Variants in ST7 observed in about 807,000 individuals in gnomAD.
ST7 encodes suppressor of tumorigenicity 7 protein.
A neutral mutation model predicts 78.7 loss-of-function variants in ST7; 28 were observed. The observed-to-expected ratio is 0.36, with a 90% CI of 0.26 to 0.49. The LOEUF (loss-of-function observed/expected upper bound fraction) is 0.49. ST7 is among the 20% of genes least tolerant of loss of function. The pLI is 0.99. For synonymous variants in ST7, 247 were observed against 249.6 expected (o/e 0.99, Z 0.10); for missense variants, 418 against 696.0 (o/e 0.60, Z 4.49).
intron 1 of ST7, among the ~76,000 whole-genome samples, chr7:117,093,730 C>A (rs1459520168): frequency 6.6e-6 from 1 of 152,014 alleles, no homozygotes; most frequent in Non-Finnish European, 1.5e-5. Context: ...CAAAAAAAAT[C>A]AAAAGAAAAA....
Position 117,106,616 on chromosome 7 carries a change from C to CTT in ST7, c.234+6793_234+6794dup, listed in dbSNP as rs758855564. Among the ~76,000 whole-genome samples the CTT allele has an allele frequency of 8.9e-3, 960 of 107,674 alleles. 9 individuals carry two copies. The highest frequency in any genetic ancestry group is 0.013 in the Non-Finnish European group (691 of 51,322). 70.6% of individuals were successfully genotyped at this position (107,674 alleles called of 152,430 possible). A position where few individuals can be genotyped will look rare whatever the true frequency, so the allele number is the denominator to read the frequency against. ...AGTCTTCAAAGTTCATTGTATCATTCTTTTTTTTTTTTTTTTTTTTTTGAG... is the reference window on the plus strand; with the variant it reads ...AGTCTTCAAAGTTCATTGTATCATTCTTTTTTTTTTTTTTTTTTTTTTTTGAG... On this transcript the variant is annotated intron_variant, in intron 2 of 15. Coordinates refer to ENST00000323984, the MANE Select transcript of ST7 (RefSeq NM_001369598.1).
intron 1 of ST7, among the ~76,000 whole-genome samples, chr7:116,978,295 G>A (rs369843191): frequency 2.8e-4 from 43 of 152,274 alleles, no homozygotes; most frequent in Admixed American, 1.6e-3. Context: ...GATATCCCCC[G>A]ATTTCCTTTT....
chr7:117,207,657 T>A (rs1052862790), intron 12 of ST7, among the ~76,000 whole-genome samples: 2 of 152,176 alleles, frequency 1.3e-5, no homozygotes, highest in Non-Finnish European at 1.5e-5. Context: ...TTAAGAAGAT[T>A]TCTGTATACC....
At chr7:117,022,687 A>G (rs187099141) in intron 1 of ST7, among the ~76,000 whole-genome samples, 2 of 152,306 alleles carry the variant, frequency 1.3e-5, no homozygotes, top group Non-Finnish European at 2.9e-5. Context: ...TTGTTTAACT[A>G]TCTATTCTGT....
intron 1 of ST7, among the ~76,000 whole-genome samples, chr7:117,005,495 A>G (rs1795119815): frequency 6.6e-6 from 1 of 152,150 alleles, no homozygotes; most frequent in African/African-American, 2.4e-5. Context: ...AAATATTTCC[A>G]ATTTTTACAA....
rs200893936 is a variant in ST7, at chr7:117,219,064, A to G, written c.1406-20A>G. On this transcript the variant is annotated intron_variant, in intron 13 of 15. Transcript: ENST00000323984. This position sits in a 1 kb window ranked among gnomAD's most constrained non-coding sequence, Gnocchi z 5.1. ...GACACAAACATTGGACATCTCTGAC[A>G]TATTTTTTCTCGTTTTCAGCTTTTC... 7.3e-5 allele frequency: 116 copies of G among 1,596,400 alleles called. No individual in the cohort carries two copies. Among genetic ancestry groups the G allele is most frequent in the Non-Finnish European group, 9.5e-5 (111 of 1,170,736 alleles).
intron 9 of ST7, among the ~76,000 whole-genome samples, chr7:117,142,430 T>A (rs1235897226): frequency 6.6e-6 from 1 of 151,966 alleles, no homozygotes; most frequent in Non-Finnish European, 1.5e-5. Context: ...ATCCTAAGCT[T>A]CCACCTACTA....
intron 1 of ST7, chr7:116,973,023 G>A (rs1483710755): frequency 1.5e-6 from 1 of 688,244 alleles, no homozygotes; most frequent in Non-Finnish European, 2.6e-6. Context: ...TTTGTTTATA[G>A]CAGTATGGAT....
At chr7:116,996,032 G>C (rs1794635596) in intron 1 of ST7, among the ~76,000 whole-genome samples, 1 of 150,714 alleles carries the variant, frequency 6.6e-6, no homozygotes, top group Non-Finnish European at 1.5e-5. Context: ...ATAACAAACT[G>C]ATGTGTCTTC....
chr7:116,967,117 T>TC (rs1793156993), intron 1 of ST7, among the ~76,000 whole-genome samples: 1 of 115,544 alleles, frequency 8.7e-6, no homozygotes, highest in Non-Finnish European at 1.9e-5. Context: ...TTTCTATCAC[T>TC]CTTTTTTTTT....
intron 12 of ST7, among the ~76,000 whole-genome samples, chr7:117,195,041 A>C (rs1051864938): frequency 6.6e-6 from 1 of 152,242 alleles, no homozygotes; most frequent in African/African-American, 2.4e-5. Flanking sequence ...TGTTTGTTAC[A>C]GGCAGTATTA....
intron 9 of ST7, among the ~76,000 whole-genome samples, chr7:117,170,354 T>C (rs1182300554): frequency 2.0e-5 from 3 of 152,256 alleles, no homozygotes; most frequent in Admixed American, 6.5e-5. Context: ...ATATTAATTA[T>C]ACTTTTAAGA....
intron 9 of ST7, among the ~76,000 whole-genome samples, chr7:117,144,648 A>C (rs1324710523): frequency 1.3e-5 from 2 of 151,568 alleles, no homozygotes; most frequent in South Asian, 2.1e-4. Context: ...AAAAAAAAAA[A>C]ACCAAAATTC....
intron 9 of ST7, among the ~76,000 whole-genome samples, chr7:117,159,374 TTA>T (rs1806951674): frequency 6.6e-6 from 1 of 152,174 alleles, no homozygotes; most frequent in Non-Finnish European, 1.5e-5. Flanking sequence ...CCCATAGGTA[TTA>T]GAGGACTCAC....
chr7:117,054,549 A>G (rs566143528), intron 1 of ST7, among the ~76,000 whole-genome samples: 4 of 152,390 alleles, frequency 2.6e-5, no homozygotes, highest in Admixed American at 1.3e-4. Context: ...CCATGAACAC[A>G]GAATATAAGT....
chr7:116,966,153 G>A, intron 1 of ST7: 1 of 431,878 alleles, frequency 2.3e-6, no homozygotes, highest in South Asian at 1.8e-5. Flanking sequence ...AAAATATGTA[G>A]ACATTAAGAC....
intron 1 of ST7, among the ~76,000 whole-genome samples, chr7:117,002,813 C>CTTTTT (rs397970060): frequency 1.4e-4 from 10 of 72,148 alleles, no homozygotes; most frequent in Non-Finnish European, 1.9e-4. Context: ...ATTTTTTTTC[C>CTTTTT]TTTTTTTTTT....
intron 1 of ST7, among the ~76,000 whole-genome samples, chr7:117,040,536 C>T (rs916371677): frequency 2.6e-5 from 4 of 152,218 alleles, no homozygotes; most frequent in Non-Finnish European, 4.4e-5. Flanking sequence ...TATATTTGCT[C>T]TTCGCATAGT....
chr7:117,169,907 C>G (rs939882274), intron 9 of ST7, among the ~76,000 whole-genome samples: 6 of 148,444 alleles, frequency 4.0e-5, no homozygotes, highest in Non-Finnish European at 8.9e-5. Flanking sequence ...TTCTCTTAGT[C>G]TCAGAAGATG....
Sources: allele counts gnomAD v4.1 joint callset (sites outside exome capture counted in the v4.1 genomes callset), GRCh38; gene constraint gnomAD v4.1.1; non-coding constraint Gnocchi (gnomAD v3.1); transcripts MANE v1.5; gene names NCBI Gene and HGNC (gene_info 2026-07-23, HGNC 2026-07-21).